Variants in OR2A7 observed in about 807,000 individuals in gnomAD.
OR2A7 encodes the protein olfactory receptor family 2 subfamily A member 7.
For synonymous variants in OR2A7, 10 were observed against 147.1 expected (o/e 0.07, Z 6.74); for missense variants, 35 against 359.2 (o/e 0.10, Z 7.30).
In OR2A7 at chr7:144,259,643, G is replaced by A. The variant is rs1207906463; in HGVS notation, c.-4-11C>T. 6.2e-7 allele frequency: 1 copy of A among 1,609,820 alleles called. No individual in the cohort carries two copies. The highest frequency in any genetic ancestry group is 8.5e-7 in the Non-Finnish European group (1 of 1,177,556). On this transcript the variant is annotated splice_polypyrimidine_tract_variant and intron_variant, in intron 1 of 1. Coordinates refer to ENST00000641841, the MANE Select transcript of OR2A7 (RefSeq NM_001005328.2). Reference sequence around the variant, plus strand: ...TTGTCCCCCATATCCCTATGACAGAGGAAATCAAGTTAATGCTCATGGTTT... The same window carrying A: ...TTGTCCCCCATATCCCTATGACAGAAGAAATCAAGTTAATGCTCATGGTTT...
chr7:144,260,228 A>G (rs1457759275), intron 1 of OR2A7, among the ~76,000 whole-genome samples: 2 of 142,546 alleles, frequency 1.4e-5, no homozygotes, highest in African/African-American at 4.9e-5. Flanking sequence ...AACGTGTCAC[A>G]TATTAATATA....
At chr7:144,263,768 GT>G (rs1469766115) in intron 1 of OR2A7, among the ~76,000 whole-genome samples, 1 of 124,802 alleles carries the variant, frequency 8.0e-6, no homozygotes, top group African/African-American at 2.7e-5. Context: ...AAGGAGGTTT[GT>G]AAAATAGATT....
At chr7:144,259,933 C>T (rs1330784274) in intron 1 of OR2A7, among the ~76,000 whole-genome samples, 1 of 135,450 alleles carries the variant, frequency 7.4e-6, no homozygotes, top group African/African-American at 2.7e-5. Context: ...CACGGTGAAA[C>T]CCCATTTCTA....
intron 1 of OR2A7, among the ~76,000 whole-genome samples, chr7:144,263,665 GATAAA>G (rs1162461688): frequency 2.4e-5 from 3 of 124,922 alleles, no homozygotes; most frequent in Non-Finnish European, 5.1e-5. Context: ...ATTGCAGAAC[GATAAA>G]ATGAGTTATG....
At chr7:144,260,301 C>T (rs1201154788) in intron 1 of OR2A7, among the ~76,000 whole-genome samples, 1 of 149,288 alleles carries the variant, frequency 6.7e-6, no homozygotes, top group Admixed American at 6.9e-5. Flanking sequence ...TGTCACATGT[C>T]AATGTAGTAC....
In OR2A7 at chr7:144,259,573, C is replaced by G. The variant is rs761083442; in HGVS notation, c.56G>C (p.Gly19Ala). Residue 19 changes from glycine (G) to alanine (A), a missense_variant, in exon 2 of 2, where the codon GGC (glycine) becomes GCC (alanine). Transcript: ENST00000641841. ...AAAGAGGAGCATCTGAATCCTTGGG[C>G]CAACGGGAAATCCCAGTAGGAGGAA... ...TEFLLLGFPV[G>A]PRIQMLLFGL... 1 of 1,612,616 alleles carries G rather than the reference C, an allele frequency of 6.2e-7. No homozygotes were observed. The highest frequency in any genetic ancestry group is 2.2e-5 in the East Asian group (1 of 44,876).
rs2052577734 is a variant in OR2A7 at position 144,257,703 on chromosome 7, A to G, written c.*993T>C. On this transcript the variant is annotated 3_prime_UTR_variant, in exon 2 of 2. Coordinates refer to ENST00000641841, the MANE Select transcript of OR2A7 (RefSeq NM_001005328.2). ...AAGCTGCTACAACTTTTAAGTGTGT[A>G]GGTGGTGGATTTTGAAATCTTTCTA... 1 of 143,688 alleles carries G rather than the reference A, an allele frequency of 7.0e-6. No individual in the cohort carries two copies. The highest frequency in any genetic ancestry group is 2.0e-4 in the East Asian group (1 of 4,936). The allele number at this position is 143,688 out of a possible 1,614,324, so 8.9% of individuals were successfully genotyped here.
At chr7:144,261,246 T>C (rs1742985258) in intron 1 of OR2A7, among the ~76,000 whole-genome samples, 1 of 151,746 alleles carries the variant, frequency 6.6e-6, no homozygotes, top group Non-Finnish European at 1.5e-5. Flanking sequence ...TCGCTCAGAT[T>C]GTGTGGCCTC....
chr7:144,264,169 A>G (rs985661139), intron 1 of OR2A7, among the ~76,000 whole-genome samples: 2 of 151,966 alleles, frequency 1.3e-5, no homozygotes, highest in Non-Finnish European at 2.9e-5. Flanking sequence ...TGCTGTAAAC[A>G]ATCCTACTGC....
chr7:144,259,865 T>G (rs1338456845), intron 1 of OR2A7: 1 of 307,080 alleles, frequency 3.3e-6, no homozygotes, highest in Non-Finnish European at 6.1e-6. Flanking sequence ...CCCAGCACTT[T>G]GGGAGGCCGA....
chr7:144,259,665 G>A, intron 1 of OR2A7, 33 bp from the exon 2 acceptor site: 4 of 1,569,906 alleles, frequency 2.5e-6, no homozygotes, highest in Non-Finnish European at 3.5e-6. Context: ...AATGCTCATG[G>A]TTTAGGAGAA....
intron 1 of OR2A7, among the ~76,000 whole-genome samples, chr7:144,260,126 A>G (rs867651853): frequency 0.029 from 3,467 of 118,564 alleles, 147 homozygotes; most frequent in African/African-American, 0.065. Context: ...AAAAAAAAAA[A>G]AAAAGAAAAG....
At chr7:144,260,723 C>T (rs1421067204) in intron 1 of OR2A7, among the ~76,000 whole-genome samples, 2 of 151,898 alleles carry the variant, frequency 1.3e-5, no homozygotes, top group Non-Finnish European at 2.9e-5. Context: ...TAGATTTGCA[C>T]CGTGTCATTA....
At chr7:144,261,182 G>A (rs1406379200) in intron 1 of OR2A7, among the ~76,000 whole-genome samples, 1 of 151,318 alleles carries the variant, frequency 6.6e-6, no homozygotes, top group Non-Finnish European at 1.5e-5. Context: ...TTGATTTCTT[G>A]TCATTTATTT....
intron 1 of OR2A7, among the ~76,000 whole-genome samples, chr7:144,262,150 C>G (rs2052655429): frequency 6.6e-6 from 1 of 151,738 alleles, no homozygotes; most frequent in Non-Finnish European, 1.5e-5. Context: ...AGAACCCAAC[C>G]ACTGTTATTC....
intron 1 of OR2A7, among the ~76,000 whole-genome samples, chr7:144,260,710 G>A (rs1342774513): frequency 6.6e-6 from 1 of 151,926 alleles, no homozygotes; most frequent in African/African-American, 2.4e-5. Flanking sequence ...GTGAATGACT[G>A]AATAGATTTG....
intron 1 of OR2A7, among the ~76,000 whole-genome samples, chr7:144,261,838 A>G (rs1467514958): frequency 6.6e-6 from 1 of 152,154 alleles, no homozygotes; most frequent in Admixed American, 6.6e-5. Flanking sequence ...ACCAGAACTC[A>G]CAAAGGCAGT....
At chr7:144,261,799 G>A (rs1262652428) in intron 1 of OR2A7, among the ~76,000 whole-genome samples, 2 of 151,904 alleles carry the variant, frequency 1.3e-5, no homozygotes, top group South Asian at 4.1e-4. Context: ...AAGCAAACAA[G>A]CAATGAAAAT....
At chr7:144,264,128 C>G (rs563569791) in intron 1 of OR2A7, among the ~76,000 whole-genome samples, 3 of 151,776 alleles carry the variant, frequency 2.0e-5, no homozygotes, top group South Asian at 2.1e-4. Context: ...TATTGTAGCA[C>G]AATGCATTAC....
Sources: allele counts gnomAD v4.1 joint callset (sites outside exome capture counted in the v4.1 genomes callset), GRCh38; gene constraint gnomAD v4.1.1; transcripts MANE v1.5; gene names NCBI Gene and HGNC (gene_info 2026-07-23, HGNC 2026-07-21).